GAB2: variants seen among roughly 807,000 people sequenced by gnomAD.
The protein encoded by GAB2 is GRB2 associated binding protein 2.
In GAB2, 26 loss-of-function variants were observed where a neutral mutation model predicts 65.5. The ratio of observed to expected loss-of-function variants is 0.40; its 90% CI spans 0.29 to 0.55. The LOEUF (loss-of-function observed/expected upper bound fraction) is 0.55, where lower values mean the gene tolerates loss of function less well. GAB2 is among the 20% of genes least tolerant of loss of function. GAB2 has a pLI of 0.53. For missense variants in GAB2, 884 were observed against 875.8 expected (o/e 1.01, Z -0.12); for synonymous variants, 321 against 329.6 (o/e 0.97, Z 0.28).
chr11:78,228,535 C>A (rs947790739), intron 3 of GAB2, among the ~76,000 whole-genome samples: 3 of 152,124 alleles, frequency 2.0e-5, no homozygotes, highest in Admixed American at 6.5e-5. Flanking sequence ...TCTCTCAGCT[C>A]CTGAGGAGTT....
chr11:78,253,563 G>C (rs1481767846), intron 2 of GAB2, among the ~76,000 whole-genome samples: 1 of 152,158 alleles, frequency 6.6e-6, no homozygotes, highest in Non-Finnish European at 1.5e-5. Flanking sequence ...CAAAGGGCTA[G>C]GATTACAGGT....
intron 2 of GAB2, among the ~76,000 whole-genome samples, chr11:78,267,305 AG>A (rs1370844473): frequency 6.6e-6 from 1 of 152,208 alleles, no homozygotes; most frequent in Non-Finnish European, 1.5e-5. Flanking sequence ...TAGAGTTCAG[AG>A]GCCCCTGGCC....
chr11:78,393,099 TATCAG>T (rs146530546), intron 1 of GAB2, among the ~76,000 whole-genome samples: 4,187 of 152,292 alleles, frequency 0.027, 162 homozygotes, highest in African/African-American at 0.088. Flanking sequence ...TTCAGGAGGA[TATCAG>T]GAAGTATCAC....
chr11:78,301,781 G>C (rs560488753), intron 1 of GAB2, among the ~76,000 whole-genome samples: 33 of 152,286 alleles, frequency 2.2e-4, no homozygotes, highest in African/African-American at 7.7e-4. Flanking sequence ...CACATTACCT[G>C]ATTTCAAACT....
chr11:78,367,303 C>T (rs546577190), intron 1 of GAB2, among the ~76,000 whole-genome samples: 1 of 152,256 alleles, frequency 6.6e-6, no homozygotes, highest in African/African-American at 2.4e-5. Context: ...CTTCGAAGGG[C>T]ATATGGTCTG....
intron 2 of GAB2, among the ~76,000 whole-genome samples, chr11:78,266,217 A>AAAG (rs1277532697): frequency 2.1e-5 from 3 of 141,328 alleles, no homozygotes; most frequent in Non-Finnish European, 4.4e-5. Context: ...TCCATCTCAA[A>AAAG]AAAAAAAAAA....
rs76351275 is a variant in GAB2 at position 78,290,946 on chromosome 11, A to G, written c.76-10045T>C. 5.2e-3 allele frequency among the ~76,000 whole-genome samples: 793 copies of G among 152,282 alleles called. 4 individuals are homozygous for G. Among genetic ancestry groups the G allele is most frequent in the African/African-American group, 0.018 (743 of 41,548 alleles). On this transcript the variant is annotated intron_variant, in intron 1 of 9. Transcript: ENST00000361507. ...CAAACTTTGTTAAGGATGTTAGCAA[A>G]TATTTTGGGTTTTACAGGTCATATT...
intron 1 of GAB2, among the ~76,000 whole-genome samples, chr11:78,335,113 T>A (rs1855976512): frequency 1.3e-5 from 2 of 152,236 alleles, no homozygotes; most frequent in Admixed American, 1.3e-4. Flanking sequence ...ATAGAGTTGT[T>A]TGAACTCCTT....
chr11:78,377,998 C>T (rs1490516219), intron 1 of GAB2, among the ~76,000 whole-genome samples: 1 of 152,198 alleles, frequency 6.6e-6, no homozygotes, highest in East Asian at 1.9e-4. Context: ...TCATCCCTCT[C>T]CACACCTACC....
chr11:78,316,456 A>G (rs1479963154), intron 1 of GAB2, among the ~76,000 whole-genome samples: 1 of 152,242 alleles, frequency 6.6e-6, no homozygotes, highest in Non-Finnish European at 1.5e-5. Context: ...CAACAAAAAC[A>G]AACAACTTAA....
intron 1 of GAB2, among the ~76,000 whole-genome samples, chr11:78,337,058 T>C (rs1856015000): frequency 6.6e-6 from 1 of 152,230 alleles, no homozygotes; most frequent in Non-Finnish European, 1.5e-5. Context: ...GTACTAGCAC[T>C]AGCAGGGAAC....
intron 2 of GAB2, among the ~76,000 whole-genome samples, chr11:78,269,271 G>A (rs553837513): frequency 6.6e-6 from 1 of 152,148 alleles, no homozygotes; most frequent in Admixed American, 6.5e-5. Context: ...TCCAACAAGG[G>A]TTCCCCAGAG....
intron 1 of GAB2, among the ~76,000 whole-genome samples, chr11:78,378,984 A>G (rs1856666000): frequency 6.6e-6 from 1 of 152,232 alleles, no homozygotes; most frequent in Non-Finnish European, 1.5e-5. Flanking sequence ...CAGCTTCCCC[A>G]GAATCACACA....
chr11:78,395,192 G>A (rs181054348), intron 1 of GAB2, among the ~76,000 whole-genome samples: 168 of 152,332 alleles, frequency 1.1e-3, no homozygotes, highest in African/African-American at 3.8e-3. Flanking sequence ...GGCGGCTCAC[G>A]CCTGTAATCC....
chr11:78,405,926 A>AATAT (rs1722380029), intron 1 of GAB2, among the ~76,000 whole-genome samples: 1 of 152,208 alleles, frequency 6.6e-6, no homozygotes, highest in Non-Finnish European at 1.5e-5. Context: ...ACTGCTAAAC[A>AATAT]ATAACTGCTC....
At chr11:78,413,617 C>T (rs893156642) in intron 1 of GAB2, among the ~76,000 whole-genome samples, 3 of 151,868 alleles carry the variant, frequency 2.0e-5, no homozygotes, top group Admixed American at 6.6e-5. Context: ...TAAACCACCA[C>T]CAAGTTTATC....
rs1864521815 is a variant in GAB2 at position 78,223,404 on chromosome 11, G to A, written c.1567+8C>T. ...CCAGAGATGGGACAGGGGAAAGAAT[G>A]GACTTACCTTTCCGATCAGGTTTGA... On this transcript the variant is annotated splice_region_variant and intron_variant, in intron 6 of 9. Coordinates refer to ENST00000361507, the MANE Select transcript of GAB2 (RefSeq NM_080491.3). 1 of 1,517,258 alleles carries A rather than the reference G, an allele frequency of 6.6e-7. No individual in the cohort carries two copies. Among genetic ancestry groups the A allele is most frequent in the South Asian group, 1.3e-5 (1 of 75,654 alleles). The allele number at this position is 1,517,258 out of a possible 1,614,324, so 94.0% of individuals were successfully genotyped here. A position where few individuals can be genotyped will look rare whatever the true frequency, so the allele number is the denominator to read the frequency against.
chr11:78,275,648 G>A (rs995982441), intron 2 of GAB2, among the ~76,000 whole-genome samples: 6 of 152,124 alleles, frequency 3.9e-5, no homozygotes, highest in Middle Eastern at 3.2e-3. Flanking sequence ...TATCACAGAT[G>A]ATATTCTTGC....
At chr11:78,355,090 G>T (rs1343091493) in intron 1 of GAB2, among the ~76,000 whole-genome samples, 1 of 152,230 alleles carries the variant, frequency 6.6e-6, no homozygotes, top group African/African-American at 2.4e-5. Flanking sequence ...CTTACTTAAA[G>T]ATCAGGAGTG....
Sources: gnomAD v4.1 joint callset for allele counts (sites outside exome capture counted in the v4.1 genomes callset) on GRCh38, gnomAD v4.1.1 for gene constraint, MANE v1.5 for transcripts, NCBI Gene and HGNC (gene_info 2026-07-23, HGNC 2026-07-21) for gene names.